DHRS7B: variants seen among roughly 807,000 people sequenced by gnomAD.
DHRS7B encodes the protein dehydrogenase/reductase 7B, also known as peroxisomal reductase activating PPAR-gamma.
In DHRS7B, 24 loss-of-function variants were observed where a neutral mutation model predicts 26.4. The observed-to-expected ratio is 0.91, with a 90% CI of 0.66 to 1.28. DHRS7B has a LOEUF of 1.28. DHRS7B is among the 50% of genes most tolerant of loss of function. The probability of loss-of-function intolerance (pLI) is 0.00; values close to 1 mark genes in which losing one functional copy is unlikely to be tolerated. For synonymous variants in DHRS7B, 142 were observed against 166.4 expected (o/e 0.85, Z 1.13); for missense variants, 368 against 419.4 (o/e 0.88, Z 1.07).
At chr17:21,138,870 C>T (rs1458267258) in intron 1 of DHRS7B, among the ~76,000 whole-genome samples, 2 of 151,998 alleles carry the variant, frequency 1.3e-5, no homozygotes, top group African/African-American at 4.8e-5. Context: ...ACTTTATATT[C>T]TAAATTATGA....
At chr17:21,147,476 G>A (rs9908009) in intron 1 of DHRS7B, among the ~76,000 whole-genome samples, 3,228 of 152,274 alleles carry the variant, frequency 0.021, 102 homozygotes, top group African/African-American at 0.074. Flanking sequence ...ATTATCACGA[G>A]AATTGTCCCA....
chr17:21,162,371 T>G (rs917422395), intron 1 of DHRS7B, among the ~76,000 whole-genome samples: 2 of 152,248 alleles, frequency 1.3e-5, no homozygotes, highest in African/African-American at 2.4e-5. Flanking sequence ...GAACATTTGT[T>G]CTTCAGGATT....
chr17:21,133,796 G>C (rs958898949), intron 1 of DHRS7B, among the ~76,000 whole-genome samples: 2 of 152,076 alleles, frequency 1.3e-5, no homozygotes, highest in African/African-American at 2.4e-5. Flanking sequence ...AAGAGAAAAT[G>C]GGGGGAGGAA....
Position 21,149,197 on chromosome 17 carries a change from C to T in DHRS7B, c.20+22206C>T, listed in dbSNP as rs956539893. Among the ~76,000 whole-genome samples the T allele has an allele frequency of 5.3e-5, 8 of 151,406 alleles. No homozygotes were observed. In the South Asian group the frequency reaches 6.3e-4, roughly 12 times the overall value. On this transcript the variant is annotated intron_variant, in intron 1 of 6. Transcript: ENST00000395511. ...CCATACAGGCCAGGGAGGTATGGAA[C>T]GATATTTTCAAAGTGCTGAAAGAAA...
chr17:21,190,165 T>TA, intron 6 of DHRS7B, among the ~76,000 whole-genome samples: 2 of 151,426 alleles, frequency 1.3e-5, no homozygotes, highest in African/African-American at 4.8e-5. Context: ...AACCCTGTCT[T>TA]TAAAAAAAAA....
intron 1 of DHRS7B, chr17:21,168,765 C>T: frequency 2.0e-6 from 2 of 985,468 alleles, no homozygotes; most frequent in Non-Finnish European, 1.2e-6. Context: ...GCGGCCCGGG[C>T]CAAGGATGGA....
At chr17:21,128,905 G>A (rs1205418663) in intron 1 of DHRS7B, 1 of 147,820 alleles carries the variant, frequency 6.8e-6, no homozygotes, top group African/African-American at 2.5e-5. Flanking sequence ...GTGACACCCT[G>A]TCTCAAACAA....
intron 1 of DHRS7B, among the ~76,000 whole-genome samples, chr17:21,130,523 G>A (rs9896803): frequency 1.3e-5 from 2 of 152,178 alleles, no homozygotes; most frequent in African/African-American, 4.8e-5. Context: ...AGCTAAGCTA[G>A]GGGTAGTTTA....
At chr17:21,143,294 C>T (rs1009370083) in intron 1 of DHRS7B, among the ~76,000 whole-genome samples, 2 of 152,120 alleles carry the variant, frequency 1.3e-5, no homozygotes, top group African/African-American at 2.4e-5. Context: ...AACTCCTGAT[C>T]TCAAGTGATC....
At chr17:21,166,906 G>C (rs949640748) in intron 1 of DHRS7B, among the ~76,000 whole-genome samples, 8 of 152,062 alleles carry the variant, frequency 5.3e-5, no homozygotes, top group Non-Finnish European at 1.0e-4. Flanking sequence ...ACTTTGGTGG[G>C]TTTTGAGATC....
At chr17:21,155,934 T>TA (rs1973869457) in intron 1 of DHRS7B, among the ~76,000 whole-genome samples, 1 of 152,116 alleles carries the variant, frequency 6.6e-6, no homozygotes, top group African/African-American at 2.4e-5. Flanking sequence ...ATGAAAACCT[T>TA]ACCAAATTTG....
At chr17:21,183,891 G>A (rs971458767) in intron 4 of DHRS7B, 81 bp downstream of exon 4, 42 of 1,230,958 alleles carry the variant, frequency 3.4e-5, no homozygotes, top group Non-Finnish European at 4.6e-5. Context: ...TCAGCTAAAC[G>A]TTCCCCATCT....
intron 3 of DHRS7B, among the ~76,000 whole-genome samples, chr17:21,183,054 C>T (rs1377247495): frequency 6.6e-6 from 1 of 152,166 alleles, no homozygotes; most frequent in Non-Finnish European, 1.5e-5. Flanking sequence ...ATTACTGATC[C>T]AATCTCTATC....
chr17:21,162,933 C>G (rs904314157), intron 1 of DHRS7B, among the ~76,000 whole-genome samples: 1 of 152,072 alleles, frequency 6.6e-6, no homozygotes, highest in South Asian at 2.1e-4. Context: ...CAGTGGCTCA[C>G]GCCTGTAATC....
At chr17:21,137,198 T>C (rs1225614371) in intron 1 of DHRS7B, among the ~76,000 whole-genome samples, 1 of 152,048 alleles carries the variant, frequency 6.6e-6, no homozygotes, top group Non-Finnish European at 1.5e-5. Flanking sequence ...CTTGAACTCC[T>C]GACCTCAGGT....
At chr17:21,187,303 G>C (rs1449663864) in intron 5 of DHRS7B, among the ~76,000 whole-genome samples, 1 of 151,352 alleles carries the variant, frequency 6.6e-6, no homozygotes, top group Non-Finnish European at 1.5e-5. Context: ...CTCCAGCCTG[G>C]GTAACAGAGA....
chr17:21,131,302 C>T (rs1169093462), intron 1 of DHRS7B, among the ~76,000 whole-genome samples: 1 of 152,208 alleles, frequency 6.6e-6, no homozygotes. Context: ...GTGGATTATT[C>T]ATGAATTTTC....
intron 1 of DHRS7B, among the ~76,000 whole-genome samples, chr17:21,137,389 C>T (rs1320788967): frequency 6.6e-5 from 10 of 151,334 alleles, no homozygotes; most frequent in South Asian, 2.1e-4. Context: ...CTCCACTTAC[C>T]GGGTTCACAC....
intron 1 of DHRS7B, among the ~76,000 whole-genome samples, chr17:21,170,359 C>T (rs1974211984): frequency 6.6e-6 from 1 of 152,218 alleles, no homozygotes; most frequent in Non-Finnish European, 1.5e-5. Flanking sequence ...GCATAGCCTG[C>T]AGGCAAGAAC....
Sources: allele counts gnomAD v4.1 joint callset (sites outside exome capture counted in the v4.1 genomes callset), GRCh38; gene constraint gnomAD v4.1.1; transcripts MANE v1.5; gene names NCBI Gene and HGNC (gene_info 2026-07-23, HGNC 2026-07-21).